Variants in PTGER3 observed in about 807,000 individuals in gnomAD.
PTGER3 encodes prostaglandin E2 receptor EP3 subtype.
A neutral mutation model predicts 34.7 loss-of-function variants in PTGER3; 22 were observed. The ratio of observed to expected loss-of-function variants is 0.63; its 90% CI spans 0.45 to 0.91. PTGER3 has a LOEUF of 0.91. Ranked by LOEUF, PTGER3 falls within the 40% of genes least tolerant of loss-of-function variation. The pLI, the probability that PTGER3 is intolerant of heterozygous loss-of-function variation, is 0.00. For synonymous variants in PTGER3, 241 were observed against 230.1 expected (o/e 1.05, Z -0.43); for missense variants, 468 against 519.4 (o/e 0.90, Z 0.96).
intron 4 of PTGER3, among the ~76,000 whole-genome samples, chr1:70,924,496 G>A (rs571947283): frequency 6.6e-6 from 1 of 152,278 alleles, no homozygotes; most frequent in South Asian, 2.1e-4. Context: ...ACAACCAAGA[G>A]GGATGGGTAA....
Position 71,012,433 on chromosome 1 carries a change from T to A in PTGER3, c.949A>T (p.Thr317Ser), listed in dbSNP as rs1657528704. ...CATTCTTTCTGCTTCTCCGTGTGTG[T>A]CTTGCAGTGCTCAACTGATGTCTGA... is the stretch of plus-strand genomic sequence containing the variant. ...FNQTSVEHCK[T>S]HTEKQKECNF... is the part of the protein sequence containing the mutation. Residue 317 changes from threonine (T) to serine (S), a missense_variant, in exon 2 of 4, where the codon ACA (threonine) becomes TCA (serine). Thr to Ser is a moderately conservative substitution (Grantham distance 58). This residue lies in a region of PTGER3 where 204 missense variants were observed against 230.8 expected (regional missense o/e 0.88). Coordinates refer to ENST00000306666, the MANE Select transcript of PTGER3 (RefSeq NM_198719.2). The A allele has an allele frequency of 1.2e-6, 2 of 1,614,152 alleles. No individual in the cohort carries two copies. Among genetic ancestry groups the A allele is most frequent in the South Asian group, 1.1e-5 (1 of 91,082 alleles).
At chr1:70,876,925 C>T (rs1646284887) in intron 4 of PTGER3, among the ~76,000 whole-genome samples, 1 of 152,148 alleles carries the variant, frequency 6.6e-6, no homozygotes, top group Non-Finnish European at 1.5e-5. Context: ...TTAGAATGGC[C>T]TTGGCCATTC....
At chr1:70,878,880 T>C (rs1301316365) in intron 4 of PTGER3, among the ~76,000 whole-genome samples, 5 of 152,214 alleles carry the variant, frequency 3.3e-5, no homozygotes, top group African/African-American at 4.8e-5. Context: ...TGAGAATTGC[T>C]TTATGTCCTA....
intron 3 of PTGER3, among the ~76,000 whole-genome samples, chr1:70,973,229 A>AGATAGATAGATAGAT (rs1355218494): frequency 3.1e-3 from 178 of 57,124 alleles, no homozygotes; most frequent in African/African-American, 9.7e-3. Context: ...GATGATAGAT[A>AGATAGATAGATAGAT]GATAGATAGA....
rs1017649743 is a variant in PTGER3, at chr1:71,032,875, C to A, written c.897+13806G>T. 7.9e-5 allele frequency among the ~76,000 whole-genome samples: 12 copies of A among 152,256 alleles called. No homozygotes were observed. In the East Asian group the frequency reaches 1.9e-3, roughly 24 times the overall value. ...AAAAAGAGGCCAACAGTAACCAGAA[C>A]CCGTTTAGAAAGAACAATGACAACA... is the stretch of plus-strand genomic sequence containing the variant. On this transcript the variant is annotated intron_variant, in intron 1 of 3. Transcript: ENST00000306666.
At chr1:71,013,223 G>C (rs1382074020) in intron 1 of PTGER3, among the ~76,000 whole-genome samples, 1 of 152,026 alleles carries the variant, frequency 6.6e-6, no homozygotes, top group African/African-American at 2.4e-5. Flanking sequence ...AAGTATTTGT[G>C]AGAGAACAAA....
In PTGER3 at chr1:70,918,057, G is replaced by A. The variant is rs1351474553; in HGVS notation, c.*23+35706C>T. Among the ~76,000 whole-genome samples, 3 of 151,884 alleles carry A rather than the reference G, an allele frequency of 2.0e-5. No individual in the cohort carries two copies. In the East Asian group the frequency reaches 5.8e-4, roughly 29 times the overall value. On this transcript the variant is annotated intron_variant, in intron 4 of 4. Transcript: ENST00000370931. ...GGCATAAAACCACACATAGACCAAT[G>A]GAACAGAATAGAGAATCCCAAAATA...
chr1:70,936,781 G>A (rs918799905), intron 4 of PTGER3, among the ~76,000 whole-genome samples: 2 of 152,134 alleles, frequency 1.3e-5, no homozygotes, highest in African/African-American at 4.8e-5. Context: ...AAGGTATCAG[G>A]AAAGACCTCA....
At chr1:70,974,020 G>GA (rs1354681867) in intron 3 of PTGER3, among the ~76,000 whole-genome samples, 1 of 152,068 alleles carries the variant, frequency 6.6e-6, no homozygotes. Flanking sequence ...TCCTTACTAT[G>GA]AAAAAATCAG....
chr1:70,985,604 A>G (rs1299829935), intron 2 of PTGER3, among the ~76,000 whole-genome samples: 4 of 152,118 alleles, frequency 2.6e-5, no homozygotes, highest in Non-Finnish European at 5.9e-5. Context: ...GTTAGTAATA[A>G]TGTGAACCTG....
intron 2 of PTGER3, among the ~76,000 whole-genome samples, chr1:70,954,014 C>A (rs1312493524): frequency 6.6e-6 from 1 of 152,086 alleles, no homozygotes; most frequent in East Asian, 1.9e-4. Context: ...TTCTGCCTAC[C>A]AAGCATCTCC....
At chr1:71,036,186 G>T (rs945064580) in intron 1 of PTGER3, among the ~76,000 whole-genome samples, 2 of 152,148 alleles carry the variant, frequency 1.3e-5, no homozygotes, top group Non-Finnish European at 2.9e-5. Context: ...ACACTCTGTG[G>T]TCACTTGGGA....
At chr1:70,949,060 C>T (rs376225898), downstream of PTGER3, among the ~76,000 whole-genome samples, 1 of 152,278 alleles carries the variant, frequency 6.6e-6, no homozygotes, top group African/African-American at 2.4e-5. Context: ...CCTCCATTGT[C>T]TCTTCAGGCG....
chr1:71,011,579 T>G, intron 2 of PTGER3: 1 of 984,688 alleles, frequency 1.0e-6, no homozygotes, highest in Non-Finnish European at 1.2e-6. Flanking sequence ...AACTCCATAT[T>G]TCAAACAAAT....
intron 4 of PTGER3, among the ~76,000 whole-genome samples, chr1:70,917,065 A>T (rs897641379): frequency 6.4e-4 from 97 of 151,978 alleles, no homozygotes; most frequent in African/African-American, 2.3e-3. Context: ...AGTTATCTTG[A>T]AATATACACT....
At chr1:70,951,945 G>T (rs1379504262), downstream of PTGER3, among the ~76,000 whole-genome samples, 2 of 152,138 alleles carry the variant, frequency 1.3e-5, no homozygotes, top group Admixed American at 6.6e-5. Flanking sequence ...AATGCTTCGA[G>T]AAAGTACTTA....
intron 2 of PTGER3, among the ~76,000 whole-genome samples, chr1:70,994,873 A>G (rs1259305356): frequency 4.6e-5 from 7 of 152,006 alleles, no homozygotes; most frequent in Non-Finnish European, 8.8e-5. Context: ...TCTACTGTGT[A>G]TCTATAATTC....
chr1:70,885,397 C>CT (rs1406509007), intron 4 of PTGER3, among the ~76,000 whole-genome samples: 1 of 151,774 alleles, frequency 6.6e-6, no homozygotes, highest in African/African-American at 2.4e-5. Flanking sequence ...ACATAACACT[C>CT]TAAGAAAGAT....
At chr1:71,007,199 A>G (rs1433822829) in intron 2 of PTGER3, 2 of 985,714 alleles carry the variant, frequency 2.0e-6, no homozygotes, top group Non-Finnish European at 2.4e-6. Flanking sequence ...TAAAGTGCCA[A>G]TGATTTCAGC....
Sources: gnomAD v4.1 joint callset for allele counts (sites outside exome capture counted in the v4.1 genomes callset) on GRCh38, gnomAD v4.1.1 for gene constraint, gnomAD v4.1.1 regional missense constraint, MANE v1.5 for transcripts, NCBI Gene and HGNC (gene_info 2026-07-23, HGNC 2026-07-21) for gene names.